Variants in SCHIP1 observed in about 807,000 individuals in gnomAD.
SCHIP1 encodes the protein schwannomin-interacting protein 1.
SCHIP1 carries 8 observed loss-of-function variants against 29.7 expected under a neutral mutation model. The observed-to-expected ratio is 0.27, with a 90% CI of 0.16 to 0.49. SCHIP1 has a LOEUF of 0.49. Ranked by LOEUF, SCHIP1 falls within the 20% of genes least tolerant of loss-of-function variation. SCHIP1 has a pLI of 0.99. For missense variants in SCHIP1, 193 were observed against 294.6 expected (o/e 0.66, Z 2.52); for synonymous variants, 76 against 94.9 (o/e 0.80, Z 1.16).
chr3:159,622,200 G>A, the SCHIP1 span, among the ~76,000 whole-genome samples: 1 of 152,164 alleles, frequency 6.6e-6, no homozygotes, highest in African/African-American at 2.4e-5. Flanking sequence ...TCCTAAGCAG[G>A]CAAGGTGCCA....
At chr3:159,422,024 A>G in the SCHIP1 span, among the ~76,000 whole-genome samples, 137 of 152,344 alleles carry the variant, frequency 9.0e-4, no homozygotes, top group Non-Finnish European at 1.4e-3. Flanking sequence ...TGAATGGCAT[A>G]TATTTATGTG....
the SCHIP1 span, among the ~76,000 whole-genome samples, chr3:159,735,539 A>G: frequency 2.6e-5 from 4 of 152,070 alleles, no homozygotes; most frequent in Admixed American, 6.5e-5. Context: ...CCCAATTGCT[A>G]CTTTTCTATA....
At chr3:159,852,069 A>G (rs1403622323) in intron 1 of SCHIP1, among the ~76,000 whole-genome samples, 2 of 152,234 alleles carry the variant, frequency 1.3e-5, no homozygotes, top group African/African-American at 4.8e-5. Flanking sequence ...AAACACATTT[A>G]TGCCACAAGT....
At chr3:159,661,438 T>G in the SCHIP1 span, among the ~76,000 whole-genome samples, 2 of 152,166 alleles carry the variant, frequency 1.3e-5, no homozygotes, top group South Asian at 4.1e-4. Flanking sequence ...CATGTGCCAA[T>G]CCTTGTGCTA....
chr3:159,470,716 C>T, the SCHIP1 span, among the ~76,000 whole-genome samples: 1 of 152,076 alleles, frequency 6.6e-6, no homozygotes, highest in Non-Finnish European at 1.5e-5. Flanking sequence ...GCACAAATGT[C>T]TGTAGCAACA....
At chr3:159,826,833 C>T in the SCHIP1 span, among the ~76,000 whole-genome samples, 1 of 152,184 alleles carries the variant, frequency 6.6e-6, no homozygotes, top group Non-Finnish European at 1.5e-5. Context: ...CTTTGCTATT[C>T]ACCAGGGAAA....
At chr3:159,854,291 A>G (rs1175081424) in intron 1 of SCHIP1, among the ~76,000 whole-genome samples, 1 of 152,212 alleles carries the variant, frequency 6.6e-6, no homozygotes, top group Non-Finnish European at 1.5e-5. Flanking sequence ...CTTTTTTCCC[A>G]GGAATGACAT....
the SCHIP1 span, among the ~76,000 whole-genome samples, chr3:159,600,379 G>A: frequency 6.6e-6 from 1 of 152,154 alleles, no homozygotes; most frequent in Admixed American, 6.5e-5. Context: ...TGCAGGCTTT[G>A]CTCATACTTT....
At chr3:159,595,799 T>G in the SCHIP1 span, among the ~76,000 whole-genome samples, 1 of 152,320 alleles carries the variant, frequency 6.6e-6, no homozygotes, top group South Asian at 2.1e-4. Context: ...TTCACTAAAC[T>G]GAACTCATCT....
the SCHIP1 span, among the ~76,000 whole-genome samples, chr3:159,660,288 G>A: frequency 6.6e-6 from 1 of 152,112 alleles, no homozygotes; most frequent in Non-Finnish European, 1.5e-5. Flanking sequence ...TCTGTGAGTA[G>A]GCCACAAATA....
the SCHIP1 span, chr3:159,273,632 A>G: frequency 2.2e-6 from 3 of 1,337,242 alleles, no homozygotes; most frequent in Non-Finnish European, 2.9e-6. Context: ...TCCAAAATCT[A>G]CTTTGAGCTG....
the SCHIP1 span, chr3:159,309,193 A>G: frequency 8.4e-6 from 2 of 236,930 alleles, no homozygotes; most frequent in African/African-American, 2.3e-5. Flanking sequence ...TATACTTCCA[A>G]ATATTTAAAT....
the SCHIP1 span, among the ~76,000 whole-genome samples, chr3:159,513,554 A>G: frequency 5.3e-5 from 8 of 152,194 alleles, no homozygotes; most frequent in African/African-American, 1.9e-4. Flanking sequence ...TAATTGAATG[A>G]CAGAACCAAG....
intron 1 of SCHIP1, among the ~76,000 whole-genome samples, chr3:159,858,872 A>C (rs1713712315): frequency 6.6e-6 from 1 of 152,176 alleles, no homozygotes; most frequent in African/African-American, 2.4e-5. Context: ...TTAAGGAAAC[A>C]TGTTTAGGCA....
the SCHIP1 span, chr3:159,808,271 G>C: frequency 2.0e-5 from 3 of 152,186 alleles, no homozygotes; most frequent in Non-Finnish European, 4.4e-5. Flanking sequence ...ACCAAAAACT[G>C]TTTCTCAACC....
the SCHIP1 span, among the ~76,000 whole-genome samples, chr3:159,339,439 C>G: frequency 2.0e-5 from 3 of 152,134 alleles, no homozygotes; most frequent in Admixed American, 1.3e-4. Context: ...GAAGCATCAC[C>G]TTCTCTTCAG....
At chr3:159,605,515 T>G in the SCHIP1 span, among the ~76,000 whole-genome samples, 2 of 152,162 alleles carry the variant, frequency 1.3e-5, no homozygotes, top group Admixed American at 1.3e-4. Flanking sequence ...TCTGAGGGGT[T>G]AAGGGACTTA....
chr3:159,791,364 A>C, the SCHIP1 span, among the ~76,000 whole-genome samples: 1 of 152,278 alleles, frequency 6.6e-6, no homozygotes, highest in Non-Finnish European at 1.5e-5. Flanking sequence ...TAGTAACGGC[A>C]AGAAGCAGCC....
chr3:159,460,463 G>A, the SCHIP1 span, among the ~76,000 whole-genome samples: 2 of 152,254 alleles, frequency 1.3e-5, no homozygotes, highest in East Asian at 3.9e-4. Context: ...AATTAAGGTG[G>A]GTCTTGGAGA....
Sources: gnomAD v4.1 joint callset for allele counts (sites outside exome capture counted in the v4.1 genomes callset) on GRCh38, gnomAD v4.1.1 for gene constraint, MANE v1.5 for transcripts, NCBI Gene and HGNC (gene_info 2026-07-23, HGNC 2026-07-21) for gene names.